The following CDKL4 variants were observed in gnomAD, a reference collection of about 807,000 sequenced individuals.
CDKL4 encodes the protein cyclin dependent kinase like 4, also known as cyclin-dependent kinase-like 4.
CDKL4 carries 44 observed loss-of-function variants against 42.0 expected under a neutral mutation model. The ratio of observed to expected loss-of-function variants is 1.05; its 90% CI spans 0.82 to 1.35. The LOEUF is 1.35. Ranked by LOEUF, CDKL4 falls within the 40% of genes most tolerant of loss-of-function variation. The pLI, the probability that CDKL4 is intolerant of heterozygous loss-of-function variation, is 0.00. For missense variants in CDKL4, 393 were observed against 369.9 expected (o/e 1.06, Z -0.51); for synonymous variants, 120 against 121.6 (o/e 0.99, Z 0.09).
At chr2:39,239,488 TAGAG>T (rs1679542523) in intron 1 of CDKL4, among the ~76,000 whole-genome samples, 1 of 152,316 alleles carries the variant, frequency 6.6e-6, no homozygotes, top group African/African-American at 2.4e-5. Flanking sequence ...CCAGAATACA[TAGAG>T]AGCATGCTTA....
chr2:39,242,743 T>A lies in CDKL4; in HGVS notation c.-57+1128A>T, dbSNP rs113266533. 3.0e-3 allele frequency among the ~76,000 whole-genome samples: 448 copies of A among 150,862 alleles called. 2 individuals are homozygous for A. Among genetic ancestry groups the A allele is most frequent in the Non-Finnish European group, 3.3e-3 (224 of 67,688 alleles). ...AGGGAGAGGTAGAAAAAAAGAAGAG[T>A]GAAAAAACACATTTTCTAATCTAGG... is the stretch of plus-strand genomic sequence containing the variant. On this transcript the variant is annotated intron_variant, in intron 1 of 9. Transcript: ENST00000451199.
intron 3 of CDKL4, among the ~76,000 whole-genome samples, chr2:39,220,809 A>T (rs1678264047): frequency 6.8e-6 from 1 of 147,834 alleles, no homozygotes; most frequent in Non-Finnish European, 1.5e-5. Context: ...ATGGTCTTGA[A>T]CTCCTGACCT....
chr2:39,229,562 C>T (rs367646299), exon 2 of CDKL4: 13 of 1,558,546 alleles, frequency 8.3e-6, no homozygotes, highest in African/African-American at 6.9e-5. Flanking sequence ...ATTATTGTAT[C>T]GATTGACTTG....
At position 39,239,349 on chromosome 2, in the gene CDKL4, A is replaced by G. The variant is rs1679533837; in HGVS notation, c.-57+4522T>C. 2.0e-5 allele frequency among the ~76,000 whole-genome samples: 3 copies of G among 152,250 alleles called. No individual in the cohort carries two copies. The South Asian group carries it at 6.2e-4, about 32-fold the overall frequency. ...GCATGATTCATAAAAGAAAAAATAG[A>G]TAAAATGGAATTTATCAACATTAAA... On this transcript the variant is annotated intron_variant, in intron 1 of 9. Transcript: ENST00000451199.
chr2:39,184,135 A>G (rs1327394142), intron 8 of CDKL4, among the ~76,000 whole-genome samples: 1 of 152,226 alleles, frequency 6.6e-6, no homozygotes, highest in East Asian at 1.9e-4. Flanking sequence ...ACACTACTGT[A>G]GACAGAACTT....
chr2:39,195,367 G>C (rs2148314552), intron 5 of CDKL4, among the ~76,000 whole-genome samples: 1 of 152,210 alleles, frequency 6.6e-6, no homozygotes, highest in African/African-American at 2.4e-5. Context: ...TTAATTTTTT[G>C]AAGAGCTGCC....
At chr2:39,202,369 C>A (rs1351820543) in intron 5 of CDKL4, among the ~76,000 whole-genome samples, 2 of 152,196 alleles carry the variant, frequency 1.3e-5, no homozygotes, top group Non-Finnish European at 2.9e-5. Flanking sequence ...CTATTCAAGT[C>A]CTTTGCCCAC....
At chr2:39,217,294 T>C (rs969520747) in intron 3 of CDKL4, among the ~76,000 whole-genome samples, 1 of 152,194 alleles carries the variant, frequency 6.6e-6, no homozygotes, top group Admixed American at 6.5e-5. Context: ...AAAGTCGTAA[T>C]GAAGGCCTTA....
intron 6 of CDKL4, among the ~76,000 whole-genome samples, chr2:39,189,788 T>G (rs1293626066): frequency 6.6e-6 from 1 of 152,252 alleles, no homozygotes; most frequent in African/African-American, 2.4e-5. Flanking sequence ...GCTCATTTGT[T>G]GACATGCTGC....
chr2:39,241,457 C>G (rs148101680), intron 1 of CDKL4, among the ~76,000 whole-genome samples: 259 of 124,522 alleles, frequency 2.1e-3, no homozygotes, highest in Non-Finnish European at 3.9e-3. Flanking sequence ...ACATCTTTCT[C>G]AAACATCAAC....
At chr2:39,194,430 T>C (rs1239399606) in intron 5 of CDKL4, among the ~76,000 whole-genome samples, 1 of 152,152 alleles carries the variant, frequency 6.6e-6, no homozygotes. Context: ...GCTGAGATAA[T>C]GCCACTGCAC....
intron 8 of CDKL4, among the ~76,000 whole-genome samples, chr2:39,183,228 G>A (rs6731330): frequency 0.11 from 17,287 of 151,618 alleles, 2,531 homozygotes; most frequent in African/African-American, 0.34. Flanking sequence ...TACAGTGAGC[G>A]GAGAACTCCA....
chr2:39,242,697 A>G (rs1430014733), intron 1 of CDKL4, among the ~76,000 whole-genome samples: 1 of 152,240 alleles, frequency 6.6e-6, no homozygotes, highest in Non-Finnish European at 1.5e-5. Context: ...ACAATGAAAG[A>G]AGGAAAACAA....
chr2:39,178,203 A>C (rs1022219169), intron 9 of CDKL4, among the ~76,000 whole-genome samples: 71 of 152,258 alleles, frequency 4.7e-4, no homozygotes, highest in African/African-American at 1.7e-3. Context: ...TTAACATTTC[A>C]TCTTCTGGAT....
In CDKL4 at chr2:39,181,351, T is replaced by C. The variant is rs146128842; in HGVS notation, c.793-2030A>G. 4.8e-3 allele frequency among the ~76,000 whole-genome samples: 737 copies of C among 152,308 alleles called. 5 individuals carry two copies. Among genetic ancestry groups the C allele is most frequent in the Non-Finnish European group, 8.4e-3 (568 of 68,014 alleles). On this transcript the variant is annotated intron_variant, in intron 8 of 9. Transcript: ENST00000451199. ...GGCCAAATCCTAGCCACCCCTTTTT[T>C]TCTCATCTGTTCTTGGTTTCTAGGT...
exon 2 of CDKL4, chr2:39,229,524 C>G (rs149237225): frequency 6.2e-7 from 1 of 1,603,422 alleles, no homozygotes; most frequent in African/African-American, 1.3e-5. Flanking sequence ...ATTTTTCATA[C>G]TTTTCCATTA....
intron 1 of CDKL4, among the ~76,000 whole-genome samples, chr2:39,229,996 G>A (rs1364831696): frequency 2.0e-5 from 3 of 152,244 alleles, no homozygotes; most frequent in African/African-American, 7.2e-5. Flanking sequence ...ACTAGGAGGA[G>A]TTGTGTAAGA....
chr2:39,229,697 T>C (rs1047593895), intron 1 of CDKL4, 109 bp from the exon 2 acceptor site: 4 of 463,888 alleles, frequency 8.6e-6, no homozygotes, highest in East Asian at 6.9e-5. Flanking sequence ...CATCAATTAA[T>C]TGGAAATCCA....
intron 8 of CDKL4, among the ~76,000 whole-genome samples, chr2:39,183,728 A>G (rs1675568780): frequency 6.6e-6 from 1 of 152,150 alleles, no homozygotes; most frequent in South Asian, 2.1e-4. Flanking sequence ...GTGCTGGGTG[A>G]AAGCAGATCT....
Sources: gnomAD v4.1 joint callset for allele counts (sites outside exome capture counted in the v4.1 genomes callset) on GRCh38, gnomAD v4.1.1 for gene constraint, MANE v1.5 for transcripts, NCBI Gene and HGNC (gene_info 2026-07-23, HGNC 2026-07-21) for gene names.